The following THADA variants were observed in gnomAD, a reference collection of about 807,000 sequenced individuals.
The protein encoded by THADA is tRNA (32-2'-O)-methyltransferase regulator THADA.
Under a neutral mutation model 219.8 loss-of-function variants are expected in THADA, and 213 were observed. That is an observed-to-expected ratio of 0.97 (90% CI 0.87 to 1.09). THADA has a LOEUF of 1.09. Among genes scored for constraint, THADA ranks in the 50% least tolerant of loss-of-function variants. The pLI, the probability that THADA is intolerant of heterozygous loss-of-function variation, is 0.00. For missense variants in THADA, 2,956 were observed against 2,311.3 expected, an observed-to-expected ratio of 1.28 and a Z score of -5.72; for synonymous variants, 1,018 against 828.9, an observed-to-expected ratio of 1.23 and a Z score of -3.92.
intron 15 of THADA, among the ~76,000 whole-genome samples, chr2:43,561,204 T>C (rs1268081752): frequency 6.6e-6 from 1 of 152,096 alleles, no homozygotes; most frequent in African/African-American, 2.4e-5. Context: ...GCTTCACTCA[T>C]CCCTATAACA....
chr2:43,388,000 C>T (rs369380159), intron 29 of THADA, among the ~76,000 whole-genome samples: 17 of 152,334 alleles, frequency 1.1e-4, no homozygotes, highest in African/African-American at 3.8e-4. Flanking sequence ...AACCACAGTG[C>T]TTTTAAATGG....
chr2:43,495,467 A>C (rs1426652732), intron 25 of THADA, among the ~76,000 whole-genome samples: 1 of 152,180 alleles, frequency 6.6e-6, no homozygotes, highest in Non-Finnish European at 1.5e-5. Flanking sequence ...TGTAAAGCCC[A>C]CACATAAAAA....
At chr2:43,263,966 C>A (rs1671243855) in intron 36 of THADA, among the ~76,000 whole-genome samples, 1 of 152,128 alleles carries the variant, frequency 6.6e-6, no homozygotes, top group African/African-American at 2.4e-5. Context: ...CCCCACCCAC[C>A]AAATCCATCA....
At chr2:43,415,196 T>C (rs185713466) in intron 28 of THADA, among the ~76,000 whole-genome samples, 2 of 152,324 alleles carry the variant, frequency 1.3e-5, no homozygotes, top group East Asian at 1.9e-4. Context: ...GAGATGTCCA[T>C]TTTAGAAGGG....
rs1692975010 is a variant in THADA, at chr2:43,524,981, T to C, written c.3374+2898A>G. Among the ~76,000 whole-genome samples the C allele has an allele frequency of 1.3e-5, 2 of 151,940 alleles. 1 individual carries two copies. Among genetic ancestry groups the C allele is most frequent in the South Asian group, 4.2e-4 (2 of 4,814 alleles). On this transcript the variant is annotated intron_variant, in intron 22 of 37. Transcript: ENST00000405975. ...AGACTGCAATCTTACTATGATATTT[T>C]TGGAGAAAACTCACAGATCTACATC...
At chr2:43,575,732 T>G (rs1177826890) in intron 10 of THADA, among the ~76,000 whole-genome samples, 1 of 152,006 alleles carries the variant, frequency 6.6e-6, no homozygotes, top group African/African-American at 2.4e-5. Context: ...GAGACAGGGT[T>G]TCACCATGTT....
In THADA at chr2:43,265,996, CTT is replaced by C. The variant is rs1397985060; in HGVS notation, c.5296+13767_5296+13768del. Among the ~76,000 whole-genome samples the C allele has an allele frequency of 2.5e-4, 35 of 141,282 alleles. 1 individual carries two copies. Among genetic ancestry groups the C allele is most frequent in the Non-Finnish European group, 4.9e-4 (32 of 65,880 alleles). 92.7% of individuals were successfully genotyped at this position (141,282 alleles called of 152,430 possible). ...ACACACACACACACACACACAGACT[CTT>C]GAGGGTCTGAAGCAGAACCACCACA... On this transcript the variant is annotated intron_variant, in intron 36 of 37. Coordinates refer to ENST00000405975, the MANE Select transcript of THADA (RefSeq NM_022065.5).
rs892029941 is a variant in THADA, at chr2:43,290,782, C to G, written c.5010+914G>C. ...ATTTTCCTGTGGTATTGGCTGCCTT[C>G]TACTTGTGATTCTGTGAGGGTGCTA... is the stretch of plus-strand genomic sequence containing the variant. On this transcript the variant is annotated intron_variant, in intron 34 of 37. Transcript: ENST00000405975. 3.4e-4 allele frequency among the ~76,000 whole-genome samples: 51 copies of G among 151,784 alleles called. 1 individual carries two copies. The highest frequency in any genetic ancestry group is 1.1e-3 in the African/African-American group (47 of 41,394).
rs1671487520 is a variant in THADA at position 43,266,060 on chromosome 2, G to A, written c.5296+13705C>T. The stretch of plus-strand genomic sequence containing the variant: ...GTTCTATGAGTGGCTTTTAAAAGAG[G>A]GGAATTTCATTTTCTGGTGTGATGG... On this transcript the variant is annotated intron_variant, in intron 36 of 37. Transcript: ENST00000405975. Among the ~76,000 whole-genome samples the A allele has an allele frequency of 2.6e-5, 4 of 151,660 alleles. No individual in the cohort carries two copies. The South Asian group carries it at 8.3e-4, about 31-fold the overall frequency.
intron 36 of THADA, among the ~76,000 whole-genome samples, chr2:43,264,288 CTT>C (rs397868826): frequency 6.4e-5 from 9 of 141,098 alleles, no homozygotes; most frequent in Admixed American, 7.1e-5. Flanking sequence ...TTTTTCTTTT[CTT>C]TTTTTTTTTT....
intron 22 of THADA, among the ~76,000 whole-genome samples, chr2:43,511,032 C>T (rs1163619013): frequency 6.6e-6 from 1 of 150,422 alleles, no homozygotes; most frequent in East Asian, 1.9e-4. Context: ...GATTTAGCTA[C>T]CTAAGAAGAA....
chr2:43,494,458 C>T (rs908709583), intron 25 of THADA, among the ~76,000 whole-genome samples: 1 of 152,090 alleles, frequency 6.6e-6, no homozygotes, highest in Non-Finnish European at 1.5e-5. Context: ...TAAAATGTAC[C>T]TTCTTTGTAT....
chr2:43,274,690 G>T (rs1398979331), intron 36 of THADA, among the ~76,000 whole-genome samples: 1 of 152,152 alleles, frequency 6.6e-6, no homozygotes, highest in African/African-American at 2.4e-5. Flanking sequence ...GGAAGGATGA[G>T]CAGAAGTTTT....
At chr2:43,472,481 T>C (rs1685017855) in intron 26 of THADA, among the ~76,000 whole-genome samples, 1 of 152,222 alleles carries the variant, frequency 6.6e-6, no homozygotes, top group Non-Finnish European at 1.5e-5. Context: ...CTCTTTTATT[T>C]CCTTGAAGTG....
intron 28 of THADA, among the ~76,000 whole-genome samples, chr2:43,421,510 T>G (rs984105326): frequency 6.6e-6 from 1 of 152,196 alleles, no homozygotes; most frequent in Non-Finnish European, 1.5e-5. Context: ...TGGAGACCCC[T>G]GTACTCTCTC....
intron 18 of THADA, 111 bp from the exon 19 acceptor site, chr2:43,552,036 A>G (rs1696810839): frequency 6.5e-7 from 1 of 1,543,730 alleles, no homozygotes; most frequent in African/African-American, 1.4e-5. Flanking sequence ...AATACATAAA[A>G]CATGTGAGAC....
intron 29 of THADA, among the ~76,000 whole-genome samples, chr2:43,379,657 C>A (rs1486035470): frequency 1.3e-5 from 2 of 152,190 alleles, no homozygotes; most frequent in Non-Finnish European, 2.9e-5. Flanking sequence ...AAGTTAAACA[C>A]AGACTTACCA....
At chr2:43,280,935 G>A (rs1166520897) in intron 35 of THADA, among the ~76,000 whole-genome samples, 1 of 152,264 alleles carries the variant, frequency 6.6e-6, no homozygotes, top group African/African-American at 2.4e-5. Context: ...GTGGACTGCT[G>A]TAACTGACAC....
chr2:43,308,835 T>G (rs1188848060), intron 31 of THADA, among the ~76,000 whole-genome samples: 2 of 141,158 alleles, frequency 1.4e-5, no homozygotes, highest in African/African-American at 5.2e-5. Context: ...TGAGATAGAC[T>G]ACAGATCTAA....
Sources: allele counts gnomAD v4.1 joint callset (sites outside exome capture counted in the v4.1 genomes callset), GRCh38; gene constraint gnomAD v4.1.1; transcripts MANE v1.5; gene names NCBI Gene and HGNC (gene_info 2026-07-23, HGNC 2026-07-21).